The following VPS13B variants were observed in gnomAD, a reference collection of about 807,000 sequenced individuals.
VPS13B encodes vacuolar protein sorting 13 homolog B.
A neutral mutation model predicts 426.4 loss-of-function variants in VPS13B; 285 were observed. The observed-to-expected ratio is 0.67, with a 90% CI of 0.61 to 0.74. VPS13B has a LOEUF of 0.74. VPS13B is among the 30% of genes least tolerant of loss of function. The probability of loss-of-function intolerance (pLI) is 0.00; values close to 1 mark genes in which losing one functional copy is unlikely to be tolerated. For synonymous variants in VPS13B, 1,676 were observed against 1,676.4 expected (o/e 1.00, Z 0.01); for missense variants, 4,537 against 4,782.6 (o/e 0.95, Z 1.51).
intron 6 of VPS13B, among the ~76,000 whole-genome samples, chr8:99,113,795 C>T (rs1847507311): frequency 6.6e-6 from 1 of 151,400 alleles, no homozygotes; most frequent in Non-Finnish European, 1.5e-5. Context: ...AAACTCCTGA[C>T]CTCATGATCC....
chr8:99,178,443 T>C (rs1812760278), intron 16 of VPS13B, among the ~76,000 whole-genome samples: 1 of 152,132 alleles, frequency 6.6e-6, no homozygotes, highest in Non-Finnish European at 1.5e-5. Flanking sequence ...TGTACTTAAC[T>C]AAGTTTCACT....
At chr8:99,136,554 C>T (rs369382143) in intron 11 of VPS13B, 111 bp from the exon 12 acceptor site, 1,374 of 1,067,118 alleles carry the variant, frequency 1.3e-3, no homozygotes, top group Non-Finnish European at 1.7e-3. Context: ...TTTGGTCATC[C>T]TTTGTGTTGT....
At chr8:99,412,426 C>T (rs1407900122) in intron 21 of VPS13B, among the ~76,000 whole-genome samples, 1 of 152,144 alleles carries the variant, frequency 6.6e-6, no homozygotes, top group Non-Finnish European at 1.5e-5. Context: ...ATTTTGTATC[C>T]TGAGACTTTG....
chr8:99,767,228 A>G (rs1811269815), intron 40 of VPS13B, among the ~76,000 whole-genome samples: 1 of 152,050 alleles, frequency 6.6e-6, no homozygotes, highest in Admixed American at 6.6e-5. Context: ...AAAAGAAAAA[A>G]ATGGAAAAAA....
chr8:99,491,480 C>T (rs1820600307), intron 25 of VPS13B, among the ~76,000 whole-genome samples: 1 of 152,210 alleles, frequency 6.6e-6, no homozygotes, highest in African/African-American at 2.4e-5. Flanking sequence ...CCATTTTCCC[C>T]ATACCTTTCA....
intron 19 of VPS13B, among the ~76,000 whole-genome samples, chr8:99,333,614 G>GT (rs1421799818): frequency 6.6e-6 from 1 of 151,836 alleles, no homozygotes; most frequent in Admixed American, 6.6e-5. Context: ...TTTCATGACT[G>GT]TAAGAATCCC....
Position 99,694,478 on chromosome 8 carries a change from A to G in VPS13B, c.6047-5047A>G, listed in dbSNP as rs1188385699. Among the ~76,000 whole-genome samples, 94 of 34,374 alleles carry G rather than the reference A, an allele frequency of 2.7e-3. 2 individuals carry two copies. The East Asian group carries it at 0.059, about 22-fold the overall frequency. The allele number at this position is 34,374 out of a possible 152,430, so 22.6% of individuals were successfully genotyped here. A position where few individuals can be genotyped will look rare whatever the true frequency, so the allele number is the denominator to read the frequency against. On this transcript the variant is annotated intron_variant, in intron 35 of 61. Transcript: ENST00000357162. ...TCCCTATTTAATAAATGGTGCTGGG[A>G]AAACTGGCTAGCCATATGTAGAAAG...
At chr8:99,654,031 G>GATTATT (rs200884439) in intron 34 of VPS13B, among the ~76,000 whole-genome samples, 5 of 149,784 alleles carry the variant, frequency 3.3e-5, no homozygotes, top group African/African-American at 4.9e-5. Context: ...TGATGATGAT[G>GATTATT]ATTATTATTA....
chr8:99,025,242 T>G (rs750321471), intron 2 of VPS13B, among the ~76,000 whole-genome samples: 16 of 152,160 alleles, frequency 1.1e-4, no homozygotes, highest in Non-Finnish European at 1.8e-4. Flanking sequence ...ACAGTTTGAC[T>G]TTTTCTTTTC....
rs549396306 is a variant in VPS13B at position 99,546,566 on chromosome 8, C to T, written c.4746-9884C>T. On this transcript the variant is annotated intron_variant, in intron 30 of 61. Transcript: ENST00000357162. ...GTAAAATGAAGTCTACCTATAGCAC[C>T]CTGTGAGTTGTGATTTATCTACATA... Among the ~76,000 whole-genome samples the T allele has an allele frequency of 4.6e-5, 7 of 151,986 alleles. 1 individual carries two copies. The highest frequency in any genetic ancestry group is 1.7e-4 in the African/African-American group (7 of 41,510).
At chr8:99,824,110 G>C (rs2130829485) in intron 51 of VPS13B, 132 bp downstream of exon 51, 1 of 1,170,690 alleles carries the variant, frequency 8.5e-7, no homozygotes, top group Non-Finnish European at 1.2e-6. Context: ...ACTTATTTTT[G>C]TTGTAATTAA....
At chr8:99,038,311 GTC>G in intron 2 of VPS13B, 110 bp from the exon 3 acceptor site, 1 of 864,128 alleles carries the variant, frequency 1.2e-6, no homozygotes, top group Non-Finnish European at 1.7e-6. Context: ...TAAACAATAA[GTC>G]TCTGAATATT....
At position 99,799,091 on chromosome 8, in the gene VPS13B, A is replaced by C. The variant is rs796706438; in HGVS notation, c.7942-10284A>C. 6.6e-5 allele frequency: 10 copies of C among 152,342 alleles called. 1 individual carries two copies. The highest frequency in any genetic ancestry group is 2.2e-4 in the African/African-American group (9 of 41,586). The allele number at this position is 152,342 out of a possible 1,614,324, so 9.4% of individuals were successfully genotyped here. Reference sequence around the variant, plus strand: ...TGGCACTTATTATTTCCGTGCTTTTAAATTATTTCCAGAATATTGAAGAGC... The same window carrying C: ...TGGCACTTATTATTTCCGTGCTTTTCAATTATTTCCAGAATATTGAAGAGC... On this transcript the variant is annotated intron_variant, in intron 43 of 61. Coordinates refer to ENST00000357162, the MANE Select transcript of VPS13B (RefSeq NM_152564.5).
At chr8:99,315,252 G>T (rs541172438) in intron 19 of VPS13B, among the ~76,000 whole-genome samples, 4 of 151,212 alleles carry the variant, frequency 2.6e-5, no homozygotes, top group Non-Finnish European at 4.4e-5. Context: ...TTTCCCTCTG[G>T]GACACTGAAA....
chr8:99,192,122 C>T (rs1813634682), intron 16 of VPS13B, among the ~76,000 whole-genome samples: 1 of 152,096 alleles, frequency 6.6e-6, no homozygotes, highest in African/African-American at 2.4e-5. Flanking sequence ...TGCTCACAGA[C>T]ATATTGAAAT....
At chr8:99,494,458 C>G (rs1470466748) in intron 25 of VPS13B, among the ~76,000 whole-genome samples, 1 of 151,932 alleles carries the variant, frequency 6.6e-6, no homozygotes, top group Non-Finnish European at 1.5e-5. Flanking sequence ...ATTTTAGATG[C>G]TATTGTAAAG....
At chr8:99,287,386 A>G (rs1819507689) in intron 19 of VPS13B, among the ~76,000 whole-genome samples, 1 of 152,010 alleles carries the variant, frequency 6.6e-6, no homozygotes, top group African/African-American at 2.4e-5. Context: ...ATCTACACAC[A>G]TGAGAGTTTC....
At chr8:99,871,745 T>C (rs1563520417) in intron 61 of VPS13B, 48 bp downstream of exon 61, 1 of 1,610,936 alleles carries the variant, frequency 6.2e-7, no homozygotes, top group African/African-American at 1.3e-5. Context: ...CCAGGGAGGT[T>C]GAGGAGCAGG....
In VPS13B at chr8:99,835,749, C is replaced by G. The variant is rs1219199414; in HGVS notation, c.9942+11C>G. ...AGTCAGGGAACACAGGTCAGTGAGC[C>G]ATGTGTTCCTGCCAAGACCCAAAGA... On this transcript the variant is annotated intron_variant, in intron 54 of 61. Transcript: ENST00000357162. 6.2e-7 allele frequency: 1 copy of G among 1,613,964 alleles called. No homozygotes were observed. Among genetic ancestry groups the G allele is most frequent in the Admixed American group, 1.7e-5 (1 of 60,002 alleles).
Sources: gnomAD v4.1 joint callset for allele counts (sites outside exome capture counted in the v4.1 genomes callset) on GRCh38, gnomAD v4.1.1 for gene constraint, MANE v1.5 for transcripts, NCBI Gene and HGNC (gene_info 2026-07-23, HGNC 2026-07-21) for gene names.